Variants in RHBG observed in about 807,000 individuals in gnomAD.
RHBG encodes the protein Rh family B glycoprotein.
A neutral mutation model predicts 40.1 loss-of-function variants in RHBG; 39 were observed. The ratio of observed to expected loss-of-function variants is 0.97; its 90% CI spans 0.75 to 1.27. RHBG has a LOEUF of 1.27. RHBG is among the 50% of genes most tolerant of loss of function. RHBG has a pLI of 0.00. For synonymous variants in RHBG, 237 were observed against 252.5 expected (o/e 0.94, Z 0.58); for missense variants, 549 against 588.1 (o/e 0.93, Z 0.69).
In RHBG at chr1:156,382,438, GGTCA is replaced by G. The variant is rs907102752; in HGVS notation, c.1112+240_1112+243del. On this transcript the variant is annotated intron_variant, in intron 7 of 9. Transcript: ENST00000537040. ...TCAAGAGTGTTACTTGTTACTGAAG[GGTCA>G]GTAAGAGATAATGACCTTTAGGATC... 8 of 637,700 alleles carry G rather than the reference GGTCA, an allele frequency of 1.3e-5. No homozygotes were observed. The African/African-American group carries it at 1.5e-4, about 12-fold the overall frequency. 39.5% of individuals were successfully genotyped at this position (637,700 alleles called of 1,614,324 possible).
At chr1:156,369,538 G>A in intron 1 of RHBG, 102 bp downstream of exon 1, 2 of 1,286,038 alleles carry the variant, frequency 1.6e-6, no homozygotes, top group Non-Finnish European at 2.1e-6. Flanking sequence ...ATTTAGCTGG[G>A]CAGCCGTCTC....
rs1255969587 is a variant in RHBG at position 156,381,836 on chromosome 1, G to A, written c.871G>A (p.Gly291Arg). Residue 291 changes from glycine (G) to arginine (R), a missense_variant, in exon 6 of 10, where the codon GGG (glycine) becomes AGG (arginine). This residue lies in a region of RHBG where 399 missense variants were observed against 417.0 expected (regional missense o/e 0.96). Transcript: ENST00000537040. Reference sequence around the variant, plus strand: ...CATCCAAAATGCAGCGCTGGCTGGAGGGGTTGTGGTGGGGACCTCAAGTGA... The same window carrying A: ...CATCCAAAATGCAGCGCTGGCTGGAAGGGTTGTGGTGGGGACCTCAAGTGA... ...VHIQNAALAG[G>R]VVVGTSSEMM... The A allele has an allele frequency of 6.3e-7, 1 of 1,591,414 alleles. No homozygotes were observed. The highest frequency in any genetic ancestry group is 8.5e-7 in the Non-Finnish European group (1 of 1,174,680).
chr1:156,374,248 C>G (rs1207097685), intron 1 of RHBG, among the ~76,000 whole-genome samples: 1 of 152,130 alleles, frequency 6.6e-6, no homozygotes, highest in African/African-American at 2.4e-5. Flanking sequence ...AGTATCAATC[C>G]AAAACCATCC....
At chr1:156,378,493 T>G in intron 4 of RHBG, 94 bp downstream of exon 4, 2 of 1,436,960 alleles carry the variant, frequency 1.4e-6, no homozygotes, top group Non-Finnish European at 1.9e-6. Context: ...CTGACTGCAG[T>G]CCTGGGGTTG....
Position 156,384,970 on chromosome 1 carries a change from C to CA in RHBG, c.*125_*126insA. The CA allele has an allele frequency of 1.6e-6, 1 of 636,742 alleles. No homozygotes were observed. The highest frequency in any genetic ancestry group is 2.8e-6 in the Non-Finnish European group (1 of 359,438). The allele number at this position is 636,742 out of a possible 1,614,324, so 39.4% of individuals were successfully genotyped here. On this transcript the variant is annotated 3_prime_UTR_variant, in exon 10 of 10. Coordinates refer to ENST00000537040, the MANE Select transcript of RHBG (RefSeq NM_020407.5). ...AGGGAGCCATGAGCCAGAAGGAGGC[C>CA]CCTTTCCACAGGCAGCGTCTCCACA...
chr1:156,378,167 G>A (rs759102165), intron 3 of RHBG, 27 bp downstream of exon 3: 13 of 1,598,244 alleles, frequency 8.1e-6, no homozygotes, highest in Admixed American at 3.4e-5. Context: ...GGATGGAGTC[G>A]GGGGTGGGGG....
chr1:156,384,876 C>A lies in RHBG; in HGVS notation c.*31C>A. ...TGCCAGCCCCTGAGAGGACACGCTC[C>A]TTTTCGAAGATGCTGACTGGCTGCT... is the stretch of plus-strand genomic sequence containing the variant. On this transcript the variant is annotated 3_prime_UTR_variant, in exon 10 of 10. Coordinates refer to ENST00000537040, the MANE Select transcript of RHBG (RefSeq NM_020407.5). 7.0e-7 allele frequency: 1 copy of A among 1,436,594 alleles called. No homozygotes were observed. Among genetic ancestry groups the A allele is most frequent in the African/African-American group, 1.4e-5 (1 of 71,096 alleles). The allele number at this position is 1,436,594 out of a possible 1,614,324, so 89.0% of individuals were successfully genotyped here.
At chr1:156,383,006 C>A (rs1667772745) in intron 8 of RHBG, 137 bp downstream of exon 8, 2 of 1,244,480 alleles carry the variant, frequency 1.6e-6, no homozygotes, top group South Asian at 2.8e-5. Flanking sequence ...TAAGGGGTAA[C>A]CAACCTCCTG....
At position 156,384,848 on chromosome 1, in the gene RHBG, C is replaced by T. The variant is rs764094733; in HGVS notation, c.*3C>T. 5.6e-6 allele frequency: 9 copies of T among 1,594,772 alleles called. No individual in the cohort carries two copies. The highest frequency in any genetic ancestry group is 6.9e-6 in the Non-Finnish European group (8 of 1,163,842). ...AGGAGGCAGACACTCAGGCCTAACCCACTGCCAGCCCCTGAGAGGACACGC... is the reference window on the plus strand; with the variant it reads ...AGGAGGCAGACACTCAGGCCTAACCTACTGCCAGCCCCTGAGAGGACACGC... On this transcript the variant is annotated 3_prime_UTR_variant, in exon 10 of 10. Transcript: ENST00000537040.
In RHBG at chr1:156,378,348, A is replaced by G; in HGVS notation, c.622A>G (p.Ser208Gly). The G allele has an allele frequency of 6.2e-7, 1 of 1,613,368 alleles. No individual in the cohort carries two copies. The highest frequency in any genetic ancestry group is 8.5e-7 in the Non-Finnish European group (1 of 1,179,640). The change falls in exon 4 of 10, where the codon AGC becomes GGC. Residue 208 changes from serine (S) to glycine (G), a missense_variant. This residue lies in a region of RHBG where 399 missense variants were observed against 417.0 expected (regional missense o/e 0.96). Coordinates refer to ENST00000537040, the MANE Select transcript of RHBG (RefSeq NM_020407.5). The part of the protein sequence containing the change: ...RVLYRPQLEK[S>G]KHRQGSVYHS... ...TCTGTACAGGCCCCAGCTGGAGAAG[A>G]GCAAGCACCGCCAGGGCTCCGTCTA...
Position 156,384,590 on chromosome 1 carries a change from T to C in RHBG, c.1298T>C (p.Val433Ala). The change falls in exon 9 of 10, where the codon GTT (valine) becomes GCT (alanine). Residue 433 changes from valine (V) to alanine (A), a missense_variant. Transcript: ENST00000537040. ...PPDSQHYEDQ[V>A]HWQVPGEHED... Reference sequence around the variant, plus strand: ...GACTCCCAGCACTACGAGGACCAAGTTCACTGGCAGGTGAGACATTGCTGG... The same window carrying C: ...GACTCCCAGCACTACGAGGACCAAGCTCACTGGCAGGTGAGACATTGCTGG... 3 of 1,576,096 alleles carry C rather than the reference T, an allele frequency of 1.9e-6. No individual in the cohort carries two copies. The highest frequency in any genetic ancestry group is 2.6e-6 in the Non-Finnish European group (3 of 1,158,700).
chr1:156,383,183 T>G (rs867921), intron 8 of RHBG, among the ~76,000 whole-genome samples: 2 of 152,036 alleles, frequency 1.3e-5, no homozygotes, highest in Non-Finnish European at 2.9e-5. Flanking sequence ...TAGAAGGGGA[T>G]GGCTGCGCCA....
chr1:156,375,423 A>C (rs2101768631), intron 1 of RHBG, among the ~76,000 whole-genome samples: 1 of 149,750 alleles, frequency 6.7e-6, no homozygotes, highest in African/African-American at 2.5e-5. Context: ...GGCCTTGCTA[A>C]CTCATTTCCT....
At chr1:156,382,962 CT>C (rs1667769513) in intron 8 of RHBG, 93 bp downstream of exon 8, 1 of 1,557,582 alleles carries the variant, frequency 6.4e-7, no homozygotes, top group African/African-American at 1.4e-5. Context: ...GGAGCATCTA[CT>C]TTGTGCCATA....
At chr1:156,373,784 C>T (rs1410904155) in intron 1 of RHBG, among the ~76,000 whole-genome samples, 1 of 152,194 alleles carries the variant, frequency 6.6e-6, no homozygotes, top group Non-Finnish European at 1.5e-5. Context: ...CCTTATCTTG[C>T]TGTCCTTGAG....
chr1:156,377,261 A>T lies in RHBG; in HGVS notation c.188-40A>T. 1.3e-6 allele frequency: 2 copies of T among 1,595,862 alleles called. No individual in the cohort carries two copies. The highest frequency in any genetic ancestry group is 1.7e-6 in the Non-Finnish European group (2 of 1,166,930). On this transcript the variant is annotated intron_variant, in intron 1 of 9. Transcript: ENST00000537040. The surrounding 1 kb of genome is among the most constrained non-coding windows in gnomAD (Gnocchi z 4.6). ...TGACTGGATTGTGGGCTATGGCTAG[A>T]GCAGCCCCCAAGTGCCCCGCCTGTC...
Position 156,381,934 on chromosome 1 carries a change from G to A in RHBG, c.969G>A (p.Lys323=). 1 of 1,612,004 alleles carries A rather than the reference G, an allele frequency of 6.2e-7. No homozygotes were observed. The highest frequency in any genetic ancestry group is 8.5e-7 in the Non-Finnish European group (1 of 1,179,584). ...LAGTVSTLGY[K]FFTPILESKF... Reference sequence around the variant, plus strand: ...GGACTGTCTCCACGCTGGGGTACAAGTTCTTCACGGTATAGATGCCTCTTG... The same window carrying A: ...GGACTGTCTCCACGCTGGGGTACAAATTCTTCACGGTATAGATGCCTCTTG... Residue 323 remains lysine (K), a synonymous_variant, in exon 6 of 10, where the codon AAG becomes AAA. Coordinates refer to ENST00000537040, the MANE Select transcript of RHBG (RefSeq NM_020407.5).
At chr1:156,383,035 CAGGT>C (rs1296290402) in intron 8 of RHBG, among the ~76,000 whole-genome samples, 166 bp downstream of exon 8, 3 of 152,338 alleles carry the variant, frequency 2.0e-5, no homozygotes, top group Admixed American at 2.0e-4. Context: ...GAGGTGCATG[CAGGT>C]GCTTGCTCCT....
rs1398500845 is a variant in RHBG at position 156,384,959 on chromosome 1, C to T, written c.*114C>T. 2 of 668,246 alleles carry T rather than the reference C, an allele frequency of 3.0e-6. No homozygotes were observed. The highest frequency in any genetic ancestry group is 5.2e-6 in the Non-Finnish European group (2 of 382,456). The allele number at this position is 668,246 out of a possible 1,614,324, so 41.4% of individuals were successfully genotyped here. On this transcript the variant is annotated 3_prime_UTR_variant, in exon 10 of 10. Transcript: ENST00000537040. ...CAGCTGCAAGAAGGGAGCCATGAGCCAGAAGGAGGCCCCTTTCCACAGGCA... is the reference window on the plus strand; with the variant it reads ...CAGCTGCAAGAAGGGAGCCATGAGCTAGAAGGAGGCCCCTTTCCACAGGCA...
Sources: gnomAD v4.1 joint callset for allele counts (sites outside exome capture counted in the v4.1 genomes callset) on GRCh38, gnomAD v4.1.1 for gene constraint, gnomAD v4.1.1 regional missense constraint, Gnocchi (gnomAD v3.1) non-coding constraint, MANE v1.5 for transcripts, NCBI Gene and HGNC (gene_info 2026-07-23, HGNC 2026-07-21) for gene names.